Variants in SDAD1 observed in about 807,000 individuals in gnomAD.
SDAD1 encodes the protein SDA1 domain containing 1.
Under a neutral mutation model 100.3 loss-of-function variants are expected in SDAD1, and 79 were observed. The observed-to-expected ratio is 0.79, with a 90% confidence interval of 0.66 to 0.95. The LOEUF (loss-of-function observed/expected upper bound fraction) is 0.95. Among genes scored for constraint, SDAD1 ranks in the 40% least tolerant of loss-of-function variants. The probability of loss-of-function intolerance (pLI) is 0.00; values close to 1 mark genes in which losing one functional copy is unlikely to be tolerated. For missense variants in SDAD1, 790 were observed against 810.9 expected, an observed-to-expected ratio of 0.97 and a Z score of 0.31; for synonymous variants, 267 against 271.4, an observed-to-expected ratio of 0.98 and a Z score of 0.16.
At position 75,975,856 on chromosome 4, in the gene SDAD1, G is replaced by A; in HGVS notation, c.478-12C>T. ...AAATTTTGCAATACCTGCAGAAAAG[G>A]AGGAGAAAGAAGACTTAATGCACTG... On this transcript the variant is annotated splice_polypyrimidine_tract_variant and intron_variant, in intron 5 of 21. Coordinates refer to ENST00000356260, the MANE Select transcript of SDAD1 (RefSeq NM_018115.4). 2 of 1,611,656 alleles carry A rather than the reference G, an allele frequency of 1.2e-6. No individual in the cohort carries two copies. Among genetic ancestry groups the A allele is most frequent in the Non-Finnish European group, 8.5e-7 (1 of 1,177,858 alleles).
intron 20 of SDAD1, among the ~76,000 whole-genome samples, 184 bp from the exon 21 acceptor site, chr4:75,956,320 G>A (rs749910571): frequency 5.3e-5 from 8 of 152,140 alleles, no homozygotes; most frequent in Non-Finnish European, 7.3e-5. Context: ...AGAGCAAGGG[G>A]AGCTCGGTGG....
chr4:75,959,992 A>T, intron 17 of SDAD1, 74 bp downstream of exon 17: 1 of 1,413,864 alleles, frequency 7.1e-7, no homozygotes, highest in Non-Finnish European at 9.5e-7. Context: ...ATGTTCAAAT[A>T]GTATACAATT....
At chr4:75,961,163 G>A in intron 15 of SDAD1, 48 bp downstream of exon 15, 1 of 1,600,420 alleles carries the variant, frequency 6.2e-7, no homozygotes, top group Non-Finnish European at 8.6e-7. Flanking sequence ...GAGGTAAAAA[G>A]GAGTCACACT....
chr4:75,973,421 C>T (rs769226575), intron 7 of SDAD1, 30 bp from the exon 8 acceptor site: 27 of 1,468,056 alleles, frequency 1.8e-5, no homozygotes, highest in East Asian at 4.5e-5. Context: ...AAGTCAGCTA[C>T]TTGATTCAGC....
intron 16 of SDAD1, among the ~76,000 whole-genome samples, 156 bp from the exon 17 acceptor site, chr4:75,960,348 C>T (rs192916204): frequency 1.2e-4 from 18 of 152,290 alleles, no homozygotes; most frequent in African/African-American, 4.1e-4. Flanking sequence ...ACAATCTCAG[C>T]TCACTACAAC....
intron 13 of SDAD1, among the ~76,000 whole-genome samples, chr4:75,964,551 AC>A (rs3215216): frequency 0.23 from 35,493 of 152,038 alleles, 4,836 homozygotes; most frequent in East Asian, 0.5. Flanking sequence ...GAGACGTACA[AC>A]TGAACTTCTG....
In SDAD1 at chr4:75,987,402, A is replaced by ATTGT. The variant is rs547175901; in HGVS notation, c.90+3346_90+3349dup. The stretch of plus-strand genomic sequence containing the variant: ...TTCATATACATAGAATCATACTCCA[A>ATTGT]TTGTTTTTAAACCTTCTGTAATCAG... On this transcript the variant is annotated intron_variant, in intron 1 of 21. Coordinates refer to ENST00000356260, the MANE Select transcript of SDAD1 (RefSeq NM_018115.4). Among the ~76,000 whole-genome samples the ATTGT allele has an allele frequency of 7.2e-5, 11 of 152,294 alleles. No individual in the cohort carries two copies. In the East Asian group the frequency reaches 2.1e-3, roughly 29 times the overall value.
At chr4:75,976,120 A>C (rs1730147514) in intron 4 of SDAD1, 125 bp from the exon 5 acceptor site, 3 of 618,962 alleles carry the variant, frequency 4.8e-6, no homozygotes, top group Non-Finnish European at 8.1e-6. Context: ...CTATCCCAAA[A>C]GAAACCCAAA....
chr4:75,960,048 G>T lies in SDAD1; in HGVS notation c.1483+18C>A. The T allele has an allele frequency of 6.2e-7, 1 of 1,602,838 alleles. No homozygotes were observed. Among genetic ancestry groups the T allele is most frequent in the East Asian group, 2.2e-5 (1 of 44,838 alleles). The stretch of plus-strand genomic sequence containing the variant: ...GCAGGAGTGTTTTGCCCAAAATAAG[G>T]GTGAAATAAAAATCAACCTTCATCA... On this transcript the variant is annotated intron_variant, in intron 17 of 21. Coordinates refer to ENST00000356260, the MANE Select transcript of SDAD1 (RefSeq NM_018115.4).
chr4:75,990,754 C>G lies in SDAD1; in HGVS notation c.88G>C (p.Glu30Gln). 6.2e-7 allele frequency: 1 copy of G among 1,614,042 alleles called. No homozygotes were observed. Among genetic ancestry groups the G allele is most frequent in the Non-Finnish European group, 8.5e-7 (1 of 1,179,950 alleles). ...IKRDPPAYIEEFLQQYNHYKS... is the reference protein window; with the variant it reads ...IKRDPPAYIEQFLQQYNHYKS... ...CGTCTGCCGCGCCGCACTCCCACCT[C>G]CTCGATGTAGGCCGGCGGGTCTCGC... Residue 30 changes from glutamate (E) to glutamine (Q), a missense_variant and splice_region_variant, in exon 1 of 22, where the codon GAG becomes CAG. Glu to Gln is a conservative substitution (Grantham distance 29, BLOSUM62 2). Transcript: ENST00000356260.
At chr4:75,959,119 A>T (rs1392623264) in intron 17 of SDAD1, among the ~76,000 whole-genome samples, 3 of 149,848 alleles carry the variant, frequency 2.0e-5, no homozygotes, top group African/African-American at 7.4e-5. Flanking sequence ...AAAAAAAAAA[A>T]AAAAAAAAAC....
intron 2 of SDAD1, 55 bp from the exon 3 acceptor site, chr4:75,981,525 G>T (rs772823152): frequency 6.2e-7 from 1 of 1,608,714 alleles, no homozygotes; most frequent in South Asian, 1.1e-5. Flanking sequence ...CTATAATTCA[G>T]ATGCATACAT....
intron 20 of SDAD1, 144 bp downstream of exon 20, chr4:75,957,181 T>C: frequency 1.5e-6 from 1 of 649,378 alleles, no homozygotes; most frequent in African/African-American, 1.8e-5. Context: ...ACATCTAATA[T>C]CTGTGCATTT....
chr4:75,985,563 A>ATT (rs1209311497), intron 1 of SDAD1, among the ~76,000 whole-genome samples: 2 of 152,042 alleles, frequency 1.3e-5, no homozygotes, highest in Non-Finnish European at 2.9e-5. Flanking sequence ...TTCCTTCAAC[A>ATT]TTTCAGCTCT....
chr4:75,989,176 T>C (rs978575051), intron 1 of SDAD1, among the ~76,000 whole-genome samples: 2 of 152,214 alleles, frequency 1.3e-5, no homozygotes, highest in Admixed American at 6.5e-5. Flanking sequence ...TGCCCTCTTC[T>C]ATGCTGACTA....
intron 17 of SDAD1, among the ~76,000 whole-genome samples, chr4:75,959,416 C>A (rs969890382): frequency 1.3e-5 from 2 of 151,950 alleles, no homozygotes; most frequent in Non-Finnish European, 2.9e-5. Flanking sequence ...CCAGCCTGGC[C>A]AACATGGTGA....
intron 12 of SDAD1, 142 bp downstream of exon 12, chr4:75,967,135 T>C (rs1156664076): frequency 2.7e-6 from 2 of 738,380 alleles, no homozygotes; most frequent in East Asian, 2.6e-5. Context: ...TAGCAAACTC[T>C]AGAAAGAAAA....
intron 1 of SDAD1, 52 bp downstream of exon 1, chr4:75,990,700 G>GTCTCAACCATCCACTATCCGGCC (rs746880183): frequency 4.2e-5 from 68 of 1,611,130 alleles, no homozygotes; most frequent in Non-Finnish European, 5.6e-5. Flanking sequence ...CCGCACCGGC[G>GTCTCAACCATCCACTATCCGGCC]TCTCAACCAT....
chr4:75,966,189 T>C (rs971058391), intron 12 of SDAD1, among the ~76,000 whole-genome samples: 5 of 151,918 alleles, frequency 3.3e-5, no homozygotes, highest in Non-Finnish European at 7.4e-5. Context: ...TTGTTTTACG[T>C]TTACTGTGGA....
Sources: allele counts gnomAD v4.1 joint callset (sites outside exome capture counted in the v4.1 genomes callset), GRCh38; gene constraint gnomAD v4.1.1; transcripts MANE v1.5; gene names NCBI Gene and HGNC (gene_info 2026-07-23, HGNC 2026-07-21).